Variants in IQCH observed in about 807,000 individuals in gnomAD.
IQCH encodes the protein IQ domain-containing protein H.
In IQCH, 98 loss-of-function variants were observed where a neutral mutation model predicts 117.0. The observed-to-expected ratio is 0.84, with a 90% CI of 0.71 to 0.99. The LOEUF (loss-of-function observed/expected upper bound fraction) is 0.99, where lower values mean the gene tolerates loss of function less well. Among genes scored for constraint, IQCH ranks in the 50% least tolerant of loss-of-function variants. The pLI is 0.00. For missense variants in IQCH, 1,102 were observed against 1,243.8 expected, an observed-to-expected ratio of 0.89 and a Z score of 1.72; for synonymous variants, 412 against 448.2, an observed-to-expected ratio of 0.92 and a Z score of 1.02.
Position 67,421,575 on chromosome 15 carries a change from CAGGTA to C in IQCH, c.2505+1_2505+5del. Reference sequence around the variant, plus strand: ...TATAGATCCAAGCACCTTGGAACAACAGGTAAGTTGAATGGATGCCATACGAAATG... The same window carrying C: ...TATAGATCCAAGCACCTTGGAACAACAGTTGAATGGATGCCATACGAAATG... On this transcript the variant is annotated splice_donor_variant and splice_donor_region_variant and coding_sequence_variant and intron_variant, in exon 16 of 21. Transcript: ENST00000335894. LOFTEE classifies it high-confidence loss of function. 2 of 1,613,966 alleles carry C rather than the reference CAGGTA, an allele frequency of 1.2e-6. No individual in the cohort carries two copies. Among genetic ancestry groups the C allele is most frequent in the Non-Finnish European group, 1.7e-6 (2 of 1,179,940 alleles).
intron 3 of IQCH, among the ~76,000 whole-genome samples, chr15:67,268,509 G>T (rs1375435645): frequency 6.6e-6 from 1 of 152,168 alleles, no homozygotes; most frequent in Non-Finnish European, 1.5e-5. Context: ...CTGGGAGGGT[G>T]ACTGCCATCT....
chr15:67,409,857 A>T (rs892359781), intron 14 of IQCH, among the ~76,000 whole-genome samples: 3 of 152,248 alleles, frequency 2.0e-5, no homozygotes, highest in Non-Finnish European at 4.4e-5. Context: ...TTTCCATCTC[A>T]TCGAAGGCAA....
At chr15:67,497,495 A>AT (rs1424967342) in intron 20 of IQCH, among the ~76,000 whole-genome samples, 9 of 151,540 alleles carry the variant, frequency 5.9e-5, no homozygotes, top group African/African-American at 1.9e-4. Flanking sequence ...CTTAAGAATA[A>AT]TTTTTTTTTC....
chr15:67,276,729 C>T (rs373674063), intron 3 of IQCH, among the ~76,000 whole-genome samples: 2 of 151,744 alleles, frequency 1.3e-5, no homozygotes, highest in East Asian at 3.9e-4. Flanking sequence ...TTTTTTCTCC[C>T]TGGCTTCTTG....
rs2083649549 is a variant in IQCH, at chr15:67,491,370, C to G, written c.2861+1306C>G. On this transcript the variant is annotated intron_variant, in intron 19 of 20. Transcript: ENST00000335894. The surrounding 1 kb of genome is among the most constrained non-coding windows in gnomAD (Gnocchi z 4.9). ...ACCATTATCAATACAGTGATATTCA[C>G]CCTCATCGATCCTTTTGAACTTAGG... 6.6e-6 allele frequency among the ~76,000 whole-genome samples: 1 copy of G among 152,258 alleles called. No individual in the cohort carries two copies. Among genetic ancestry groups the G allele is most frequent in the Non-Finnish European group, 1.5e-5 (1 of 68,022 alleles).
intron 4 of IQCH, among the ~76,000 whole-genome samples, chr15:67,329,225 G>A (rs1409833414): frequency 6.6e-6 from 1 of 151,722 alleles, no homozygotes; most frequent in Non-Finnish European, 1.5e-5. Context: ...CTTGAGCCCA[G>A]GAGGTCGAGG....
Position 67,421,323 on chromosome 15 carries a change from A to G in IQCH, c.2251A>G (p.Asn751Asp). The G allele has an allele frequency of 6.2e-7, 1 of 1,614,158 alleles. No individual in the cohort carries two copies. Among genetic ancestry groups the G allele is most frequent in the Non-Finnish European group, 8.5e-7 (1 of 1,180,004 alleles). Reference sequence around the variant, plus strand: ...GATCGAAGCATTCCCACCTGCAGACAATGTCACCAACCTCACAGTGGACAT... The same window carrying G: ...GATCGAAGCATTCCCACCTGCAGACGATGTCACCAACCTCACAGTGGACAT... The part of the protein sequence containing the change: ...GVIEAFPPAD[N>D]VTNLTVDMLI... The change falls in exon 16 of 21, where the codon AAT (asparagine) becomes GAT (aspartate). Residue 751 changes from asparagine to aspartate, a missense_variant. Physicochemically the swap from Asn to Asp is conservative, Grantham distance 23 (BLOSUM62 1). Transcript: ENST00000335894.
intron 18 of IQCH, among the ~76,000 whole-genome samples, chr15:67,477,044 C>CTTTTTTTTTTTTTTTTTTTTTT (rs71455553): frequency 2.8e-5 from 2 of 71,176 alleles, no homozygotes; most frequent in African/African-American, 5.8e-5. Flanking sequence ...TCTTTTTCTT[C>CTTTTTTTTTTTTTTTTTTTTTT]TTTTTTTTTT....
intron 6 of IQCH, among the ~76,000 whole-genome samples, chr15:67,353,687 C>T (rs2140723708): frequency 6.6e-6 from 1 of 152,156 alleles, no homozygotes; most frequent in East Asian, 1.9e-4. Context: ...GAACATAAAA[C>T]AGGCAGATCT....
chr15:67,348,740 A>AT (rs926167649), intron 6 of IQCH, among the ~76,000 whole-genome samples: 90 of 152,292 alleles, frequency 5.9e-4, no homozygotes, highest in Middle Eastern at 3.4e-3. Context: ...TCTCAGTAAG[A>AT]TTTTTTGTAG....
At chr15:67,298,900 A>G (rs1300853953) in intron 4 of IQCH, among the ~76,000 whole-genome samples, 1 of 152,076 alleles carries the variant, frequency 6.6e-6, no homozygotes, top group Non-Finnish European at 1.5e-5. Flanking sequence ...TAAAGCTACC[A>G]TATGATCCAG....
chr15:67,475,642 A>G lies in IQCH; in HGVS notation c.2677-54A>G. On this transcript the variant is annotated intron_variant, in intron 17 of 20. Coordinates refer to ENST00000335894, the MANE Select transcript of IQCH (RefSeq NM_001031715.3). This position sits in a 1 kb window ranked among gnomAD's most constrained non-coding sequence, Gnocchi z 5.7. Reference sequence around the variant, plus strand: ...TTTCCTGTTAATCTCAAGTATTCCAAAATTACAAGTTTATTTAAATATCTG... The same window carrying G: ...TTTCCTGTTAATCTCAAGTATTCCAGAATTACAAGTTTATTTAAATATCTG... 6.4e-7 allele frequency: 1 copy of G among 1,563,838 alleles called. No homozygotes were observed. Among genetic ancestry groups the G allele is most frequent in the Non-Finnish European group, 8.7e-7 (1 of 1,145,608 alleles).
intron 4 of IQCH, among the ~76,000 whole-genome samples, chr15:67,294,857 A>G (rs1312994484): frequency 6.6e-6 from 1 of 152,178 alleles, no homozygotes; most frequent in Non-Finnish European, 1.5e-5. Context: ...ATCCTTATCC[A>G]TCTTCCCCTC....
rs1303389829 is a variant in IQCH at position 67,359,380 on chromosome 15, G to C, written c.715-467G>C. 6.6e-6 allele frequency among the ~76,000 whole-genome samples: 1 copy of C among 152,132 alleles called. No homozygotes were observed. The highest frequency in any genetic ancestry group is 1.9e-4 in the East Asian group (1 of 5,196). On this transcript the variant is annotated intron_variant, in intron 7 of 20. Transcript: ENST00000335894. The surrounding 1 kb of genome is among the most constrained non-coding windows in gnomAD (Gnocchi z 4.5). ...TGACTTTTTCCTGTGGTCCCAGATT[G>C]GTACAGCATTTCTAAATTGACTCTT... is the stretch of plus-strand genomic sequence containing the variant.
Position 67,388,909 on chromosome 15 carries a change from G to A in IQCH, c.1535G>A (p.Ser512Asn). 1 of 1,613,876 alleles carries A rather than the reference G, an allele frequency of 6.2e-7. No homozygotes were observed. The highest frequency in any genetic ancestry group is 1.1e-5 in the South Asian group (1 of 91,072). ...GTGCTGTATTACAAAAAAATCCTAA[G>A]TCTACATGCAGCCGTCAAATCTGGG... is the stretch of plus-strand genomic sequence containing the variant. ...ELVLYYKKILSLHAAVKSGNL... is the reference protein window; with the variant it reads ...ELVLYYKKILNLHAAVKSGNL... The change falls in exon 12 of 21, where the codon AGT becomes AAT. Residue 512 changes from serine to asparagine, a missense_variant. By Grantham distance (46) the Ser-to-Asn change is conservative. This residue lies in a region of IQCH where 650 missense variants were observed against 794.3 expected (regional missense o/e 0.82). Coordinates refer to ENST00000335894, the MANE Select transcript of IQCH (RefSeq NM_001031715.3). The surrounding 1 kb of genome is among the most constrained non-coding windows in gnomAD (Gnocchi z 5.5).
chr15:67,275,606 G>A (rs1463938480), intron 3 of IQCH, among the ~76,000 whole-genome samples: 1 of 152,124 alleles, frequency 6.6e-6, no homozygotes, highest in South Asian at 2.1e-4. Context: ...GGCCAAATGT[G>A]GTGGCTCATG....
chr15:67,461,975 T>G (rs563352894), intron 16 of IQCH, among the ~76,000 whole-genome samples: 1 of 151,820 alleles, frequency 6.6e-6, no homozygotes, highest in South Asian at 2.1e-4. Flanking sequence ...ATGAACTTTA[T>G]TTGTTTAATT....
At chr15:67,402,170 C>T (rs1412362382) in intron 14 of IQCH, among the ~76,000 whole-genome samples, 1 of 152,156 alleles carries the variant, frequency 6.6e-6, no homozygotes, top group Non-Finnish European at 1.5e-5. Flanking sequence ...ATACATTTGG[C>T]ACTGTTGTTA....
At chr15:67,277,284 C>T (rs1966161674) in intron 3 of IQCH, among the ~76,000 whole-genome samples, 1 of 152,096 alleles carries the variant, frequency 6.6e-6, no homozygotes, top group Non-Finnish European at 1.5e-5. Context: ...CTGATAATTC[C>T]AAAATCTCTG....
Sources: gnomAD v4.1 joint callset for allele counts (sites outside exome capture counted in the v4.1 genomes callset) on GRCh38, gnomAD v4.1.1 for gene constraint, gnomAD v4.1.1 regional missense constraint, Gnocchi (gnomAD v3.1) non-coding constraint, MANE v1.5 for transcripts, NCBI Gene and HGNC (gene_info 2026-07-23, HGNC 2026-07-21) for gene names.